TMEM232: variants seen among roughly 807,000 people sequenced by gnomAD.
TMEM232 encodes transmembrane protein 232.
Under a neutral mutation model 78.8 loss-of-function variants are expected in TMEM232, and 80 were observed. The observed-to-expected ratio is 1.01, with a 90% CI of 0.85 to 1.22. TMEM232 has a LOEUF of 1.22. Among genes scored for constraint, TMEM232 ranks in the 50% most tolerant of loss-of-function variants. TMEM232 has a pLI of 0.00. For missense variants in TMEM232, 881 were observed against 742.2 expected (o/e 1.19, Z -2.17); for synonymous variants, 297 against 254.3 (o/e 1.17, Z -1.60).
At chr5:110,466,282 T>C (rs1204077673) in intron 12 of TMEM232, among the ~76,000 whole-genome samples, 1 of 152,134 alleles carries the variant, frequency 6.6e-6, no homozygotes, top group Non-Finnish European at 1.5e-5. Flanking sequence ...AAAAACAGAA[T>C]ACCAAGATAA....
Position 110,420,488 on chromosome 5 carries a change from TTC to T in TMEM232, c.*90_*91del. On this transcript the variant is annotated 3_prime_UTR_variant, in exon 14 of 14. Coordinates refer to ENST00000455884, the MANE Select transcript of TMEM232 (RefSeq NM_001039763.4). ...ATACCTCCATTTAATGACAAGAAAG[TTC>T]TCTTACTATGTAGCTATCTTGGTAT... 1 of 771,348 alleles carries T rather than the reference TTC, an allele frequency of 1.3e-6. No homozygotes were observed. Among genetic ancestry groups the T allele is most frequent in the Non-Finnish European group, 1.9e-6 (1 of 535,640 alleles). 47.8% of individuals were successfully genotyped at this position (771,348 alleles called of 1,614,324 possible).
chr5:110,686,146 A>G (rs1793373213), intron 1 of TMEM232, among the ~76,000 whole-genome samples: 1 of 152,020 alleles, frequency 6.6e-6, no homozygotes, highest in African/African-American at 2.4e-5. Context: ...TCCCCCAAAC[A>G]AGAGATAGAG....
intron 3 of TMEM232, among the ~76,000 whole-genome samples, chr5:110,391,027 C>T (rs983064816): frequency 3.9e-5 from 6 of 152,208 alleles, no homozygotes; most frequent in African/African-American, 1.4e-4. Context: ...ACTGCTGTCA[C>T]AATGATGCCA....
intron 1 of TMEM232, among the ~76,000 whole-genome samples, chr5:110,735,675 G>A (rs1253398134): frequency 6.6e-6 from 1 of 152,170 alleles, no homozygotes; most frequent in Non-Finnish European, 1.5e-5. Context: ...GAACATGGCA[G>A]AAGTGATGAG....
intron 1 of TMEM232, among the ~76,000 whole-genome samples, chr5:110,726,142 A>C (rs1798131898): frequency 1.4e-5 from 2 of 147,842 alleles, no homozygotes; most frequent in African/African-American, 5.0e-5. Flanking sequence ...ACACACACAG[A>C]GCGCCAAATT....
chr5:110,432,200 A>G (rs972047922), intron 12 of TMEM232, among the ~76,000 whole-genome samples: 2 of 151,664 alleles, frequency 1.3e-5, no homozygotes, highest in African/African-American at 4.8e-5. Flanking sequence ...TCCAAAGTCA[A>G]TAAGAAAGAA....
chr5:110,622,611 T>C (rs940238315), intron 7 of TMEM232, among the ~76,000 whole-genome samples: 3 of 152,232 alleles, frequency 2.0e-5, no homozygotes, highest in Admixed American at 1.3e-4. Flanking sequence ...TTTGGGTTGG[T>C]TCCAAGTCTT....
chr5:110,434,154 C>T (rs553927279), intron 12 of TMEM232, among the ~76,000 whole-genome samples: 2 of 145,924 alleles, frequency 1.4e-5, no homozygotes, highest in East Asian at 4.0e-4. Flanking sequence ...CCAAAACATG[C>T]AAAGAATAAA....
At chr5:110,388,551 C>T (rs530439810) in intron 4 of TMEM232, among the ~76,000 whole-genome samples, 32 of 152,234 alleles carry the variant, frequency 2.1e-4, no homozygotes, top group African/African-American at 7.7e-4. Context: ...CACTATCTGC[C>T]TAAGTAATTT....
chr5:110,664,516 C>T (rs1037446087), intron 2 of TMEM232, among the ~76,000 whole-genome samples: 1 of 152,202 alleles, frequency 6.6e-6, no homozygotes, highest in Admixed American at 6.5e-5. Flanking sequence ...AACTGTATCT[C>T]TTGAAGTATT....
At chr5:110,663,470 A>G (rs962033230) in intron 2 of TMEM232, among the ~76,000 whole-genome samples, 4 of 152,118 alleles carry the variant, frequency 2.6e-5, no homozygotes, top group African/African-American at 7.2e-5. Flanking sequence ...AAAATTCATT[A>G]TAAGTGTCAC....
intron 1 of TMEM232, among the ~76,000 whole-genome samples, chr5:110,706,804 G>A (rs1795973726): frequency 6.6e-6 from 1 of 152,122 alleles, no homozygotes. Flanking sequence ...ACCAGCATAG[G>A]ATAAGAGCCT....
At chr5:110,505,848 C>G (rs866415569) in intron 12 of TMEM232, among the ~76,000 whole-genome samples, 1 of 152,062 alleles carries the variant, frequency 6.6e-6, no homozygotes, top group African/African-American at 2.4e-5. Context: ...TTATACAAAA[C>G]GAAACCATGC....
chr5:110,576,232 C>T (rs1777558587), intron 10 of TMEM232, among the ~76,000 whole-genome samples: 1 of 152,050 alleles, frequency 6.6e-6, no homozygotes, highest in African/African-American at 2.4e-5. Flanking sequence ...CATTCCTATA[C>T]ACCAAAAGCG....
At chr5:110,611,734 GC>G (rs1323542718) in intron 8 of TMEM232, among the ~76,000 whole-genome samples, 3 of 152,100 alleles carry the variant, frequency 2.0e-5, no homozygotes, top group Non-Finnish European at 4.4e-5. Flanking sequence ...TTATGCTATA[GC>G]CCTGGCAGCA....
At chr5:110,616,954 T>C (rs748358868) in intron 8 of TMEM232, among the ~76,000 whole-genome samples, 13 of 152,140 alleles carry the variant, frequency 8.5e-5, no homozygotes, top group Non-Finnish European at 1.8e-4. Context: ...GTGAAATCAG[T>C]ATGTTGAAGA....
chr5:110,502,132 G>A (rs1056507802), intron 12 of TMEM232, among the ~76,000 whole-genome samples: 2 of 152,146 alleles, frequency 1.3e-5, no homozygotes. Context: ...AACTTCAAGA[G>A]TCTGATCTTT....
At chr5:110,593,776 G>A (rs1580286476) in intron 10 of TMEM232, among the ~76,000 whole-genome samples, 1 of 152,086 alleles carries the variant, frequency 6.6e-6, no homozygotes, top group African/African-American at 2.4e-5. Flanking sequence ...AGTGCCTATA[G>A]TCAATAATAA....
At chr5:110,452,237 T>C (rs1760381050) in intron 12 of TMEM232, among the ~76,000 whole-genome samples, 1 of 152,126 alleles carries the variant, frequency 6.6e-6, no homozygotes, top group African/African-American at 2.4e-5. Context: ...AAATAATAAT[T>C]ATATATTGGG....
Sources: allele counts gnomAD v4.1 joint callset (sites outside exome capture counted in the v4.1 genomes callset), GRCh38; gene constraint gnomAD v4.1.1; transcripts MANE v1.5; gene names NCBI Gene and HGNC (gene_info 2026-07-23, HGNC 2026-07-21).